FAM171A1: variants seen among roughly 807,000 people sequenced by gnomAD.
FAM171A1 encodes the protein family with sequence similarity 171 member A1, also known as protein FAM171A1.
A neutral mutation model predicts 74.9 loss-of-function variants in FAM171A1; 23 were observed. The ratio of observed to expected loss-of-function variants is 0.31; its 90% CI spans 0.22 to 0.44. The LOEUF (loss-of-function observed/expected upper bound fraction) is 0.44. Ranked by LOEUF, FAM171A1 falls within the 20% of genes least tolerant of loss-of-function variation. The pLI, the probability that FAM171A1 is intolerant of heterozygous loss-of-function variation, is 1.00. For synonymous variants in FAM171A1, 527 were observed against 505.7 expected (o/e 1.04, Z -0.57); for missense variants, 1,162 against 1,159.2 (o/e 1.00, Z -0.03).
chr10:15,361,469 G>C (rs1835993213), intron 1 of FAM171A1, among the ~76,000 whole-genome samples: 1 of 152,132 alleles, frequency 6.6e-6, no homozygotes, highest in Non-Finnish European at 1.5e-5. Context: ...GATCACCTGA[G>C]GTCAGAAGTT....
At chr10:15,268,750 A>G (rs1395354021) in intron 3 of FAM171A1, among the ~76,000 whole-genome samples, 1 of 152,190 alleles carries the variant, frequency 6.6e-6, no homozygotes, top group African/African-American at 2.4e-5. Context: ...ACCAAGAGAT[A>G]GAAAGAAAGA....
intron 1 of FAM171A1, among the ~76,000 whole-genome samples, chr10:15,310,794 G>A (rs139576660): frequency 6.6e-6 from 1 of 151,872 alleles, no homozygotes; most frequent in African/African-American, 2.4e-5. Context: ...CAGGAAGGCA[G>A]AAGTCGCAGT....
intron 1 of FAM171A1, among the ~76,000 whole-genome samples, chr10:15,335,764 A>G (rs1029329432): frequency 3.9e-5 from 6 of 152,220 alleles, no homozygotes; most frequent in African/African-American, 1.4e-4. Flanking sequence ...AGTGTGTACA[A>G]TCACACTTTA....
At chr10:15,223,716 C>A (rs749075211) in intron 5 of FAM171A1, among the ~76,000 whole-genome samples, 3 of 152,042 alleles carry the variant, frequency 2.0e-5, no homozygotes, top group Admixed American at 6.6e-5. Context: ...CTGAGCAACA[C>A]AGCAAAACCC....
At chr10:15,255,165 C>T (rs532695606) in intron 3 of FAM171A1, among the ~76,000 whole-genome samples, 24 of 152,296 alleles carry the variant, frequency 1.6e-4, no homozygotes, top group African/African-American at 5.3e-4. Flanking sequence ...CTTGTCACTG[C>T]CCAGCATTTG....
At chr10:15,368,784 T>C (rs1027034303) in intron 1 of FAM171A1, among the ~76,000 whole-genome samples, 3 of 152,218 alleles carry the variant, frequency 2.0e-5, no homozygotes, top group African/African-American at 7.2e-5. Context: ...ACATGAATTT[T>C]AAAACTACGT....
intron 3 of FAM171A1, among the ~76,000 whole-genome samples, chr10:15,263,574 T>C (rs1834690540): frequency 6.6e-6 from 1 of 152,196 alleles, no homozygotes; most frequent in Non-Finnish European, 1.5e-5. Flanking sequence ...TGTTGACCAA[T>C]TACTGAGGCA....
chr10:15,352,961 A>G (rs1028419134), intron 1 of FAM171A1, among the ~76,000 whole-genome samples: 1 of 152,224 alleles, frequency 6.6e-6, no homozygotes, highest in Non-Finnish European at 1.5e-5. Flanking sequence ...GCTACCAGCA[A>G]CATTTGGACA....
chr10:15,288,541 A>G (rs565862073), intron 1 of FAM171A1, among the ~76,000 whole-genome samples: 1 of 152,202 alleles, frequency 6.6e-6, no homozygotes, highest in Non-Finnish European at 1.5e-5. Context: ...AATTTTATGG[A>G]AATGCAACAT....
intron 3 of FAM171A1, among the ~76,000 whole-genome samples, chr10:15,270,040 T>C (rs551245142): frequency 6.6e-6 from 1 of 152,184 alleles, no homozygotes; most frequent in African/African-American, 2.4e-5. Context: ...TCACTGGGGC[T>C]TGTCGGACAG....
At chr10:15,348,160 G>A (rs1835838458) in intron 1 of FAM171A1, among the ~76,000 whole-genome samples, 2 of 151,960 alleles carry the variant, frequency 1.3e-5, no homozygotes, top group African/African-American at 4.8e-5. Context: ...TGTATTTTTA[G>A]TAGAGATGGG....
intron 5 of FAM171A1, among the ~76,000 whole-genome samples, chr10:15,236,382 G>A (rs934861663): frequency 4.6e-5 from 7 of 151,808 alleles, no homozygotes; most frequent in African/African-American, 2.4e-5. Context: ...TTTTCCAAGC[G>A]CCAGGCTCTG....
At chr10:15,218,481 G>C (rs1833995384) in intron 6 of FAM171A1, among the ~76,000 whole-genome samples, 1 of 152,130 alleles carries the variant, frequency 6.6e-6, no homozygotes, top group Non-Finnish European at 1.5e-5. Context: ...TTTTGTTGTT[G>C]CTTTTGAGTT....
intron 5 of FAM171A1, among the ~76,000 whole-genome samples, chr10:15,245,223 G>A (rs569176515): frequency 1.3e-5 from 2 of 152,090 alleles, no homozygotes; most frequent in South Asian, 2.1e-4. Context: ...GCACCACCAC[G>A]CCCAGCTAAT....
intron 2 of FAM171A1, among the ~76,000 whole-genome samples, chr10:15,282,399 T>A (rs77791485): frequency 0.028 from 4,325 of 152,288 alleles, 88 homozygotes; most frequent in Non-Finnish European, 0.039. Flanking sequence ...AATCTATATA[T>A]CAAATAAGAT....
intron 1 of FAM171A1, among the ~76,000 whole-genome samples, chr10:15,290,054 C>T (rs1292670398): frequency 1.3e-5 from 2 of 152,174 alleles, no homozygotes; most frequent in African/African-American, 4.8e-5. Context: ...ATAGTGAAAC[C>T]CCGTCTCTAC....
intron 1 of FAM171A1, among the ~76,000 whole-genome samples, chr10:15,353,699 A>G (rs1406227340): frequency 6.6e-6 from 1 of 152,220 alleles, no homozygotes; most frequent in African/African-American, 2.4e-5. Flanking sequence ...ACCTCCAGGA[A>G]AAAGGCAGCA....
At chr10:15,334,828 A>C (rs1588559703) in intron 1 of FAM171A1, among the ~76,000 whole-genome samples, 1 of 152,342 alleles carries the variant, frequency 6.6e-6, no homozygotes, top group African/African-American at 2.4e-5. Flanking sequence ...AGCTGAATAC[A>C]CTTTATGCTA....
intron 3 of FAM171A1, among the ~76,000 whole-genome samples, chr10:15,272,577 A>C (rs1834840714): frequency 1.3e-5 from 2 of 152,208 alleles, no homozygotes; most frequent in African/African-American, 4.8e-5. Flanking sequence ...ACCCCAAATC[A>C]ACAGAATATA....
Sources: gnomAD v4.1 joint callset for allele counts (sites outside exome capture counted in the v4.1 genomes callset) on GRCh38, gnomAD v4.1.1 for gene constraint, MANE v1.5 for transcripts, NCBI Gene and HGNC (gene_info 2026-07-23, HGNC 2026-07-21) for gene names.